Variants in ANKFY1 observed in about 807,000 individuals in gnomAD.
ANKFY1 encodes the protein ankyrin repeat and FYVE domain-containing protein 1.
A neutral mutation model predicts 128.3 loss-of-function variants in ANKFY1; 47 were observed. That is an observed-to-expected ratio of 0.37 (90% CI 0.29 to 0.47). The LOEUF is 0.47. ANKFY1 is among the 20% of genes least tolerant of loss of function. The pLI is 1.00. For missense variants in ANKFY1, 1,222 were observed against 1,510.6 expected, an observed-to-expected ratio of 0.81 and a Z score of 3.17; for synonymous variants, 553 against 601.6, an observed-to-expected ratio of 0.92 and a Z score of 1.18.
chr17:4,170,144 C>G (rs985715179), intron 23 of ANKFY1, among the ~76,000 whole-genome samples: 2 of 152,242 alleles, frequency 1.3e-5, no homozygotes, highest in Non-Finnish European at 2.9e-5. Flanking sequence ...TCCTGTGCAT[C>G]GCCATCCCAT....
At chr17:4,210,461 C>T (rs111403750) in intron 4 of ANKFY1, among the ~76,000 whole-genome samples, 5 of 152,150 alleles carry the variant, frequency 3.3e-5, no homozygotes, top group South Asian at 4.1e-4. Flanking sequence ...GTAATCCCAG[C>T]GCTTTGGGAG....
chr17:4,262,619 C>T lies in ANKFY1; in HGVS notation c.10+1313G>A, dbSNP rs114797643. 5.5e-3 allele frequency among the ~76,000 whole-genome samples: 837 copies of T among 151,808 alleles called. 11 individuals are homozygous for T. The highest frequency in any genetic ancestry group is 0.019 in the African/African-American group (801 of 41,416). On this transcript the variant is annotated intron_variant, in intron 1 of 24. Transcript: ENST00000341657. The stretch of plus-strand genomic sequence containing the variant: ...TTAATTAGCCGGGTGTGGTGGCGAG[C>T]GCCCCTGGTCCCAGCTACTCAGGAG...
chr17:4,222,553 T>C (rs1240623511), intron 3 of ANKFY1: 24 of 1,255,236 alleles, frequency 1.9e-5, no homozygotes, highest in Non-Finnish European at 2.7e-5. Flanking sequence ...AGAGCTTTCC[T>C]GTACTGGCAA....
At chr17:4,232,168 G>A (rs1390419296) in intron 3 of ANKFY1, among the ~76,000 whole-genome samples, 1 of 152,090 alleles carries the variant, frequency 6.6e-6, no homozygotes, top group African/African-American at 2.4e-5. Flanking sequence ...ATTTTATCAA[G>A]CCTGTTGGTG....
At chr17:4,204,170 G>GA (rs1567940871) in intron 7 of ANKFY1, among the ~76,000 whole-genome samples, 1 of 152,124 alleles carries the variant, frequency 6.6e-6, no homozygotes, top group Admixed American at 6.5e-5. Flanking sequence ...CAGTTAAAGT[G>GA]AAAAAAACTC....
chr17:4,166,208 A>C lies in ANKFY1; in HGVS notation c.*1571T>G, dbSNP rs1211058813. 1 of 152,256 alleles carries C rather than the reference A, an allele frequency of 6.6e-6. No individual in the cohort carries two copies. Among genetic ancestry groups the C allele is most frequent in the African/African-American group, 2.4e-5 (1 of 41,464 alleles). The allele number at this position is 152,256 out of a possible 1,614,324, so 9.4% of individuals were successfully genotyped here. A position where few individuals can be genotyped will look rare whatever the true frequency, so the allele number is the denominator to read the frequency against. On this transcript the variant is annotated 3_prime_UTR_variant, in exon 25 of 25. Transcript: ENST00000341657. ...GCTCATTTTACACACATATTTAGGC[A>C]ACAGAATGTATAAATCTACCGCAAT...
intron 10 of ANKFY1, among the ~76,000 whole-genome samples, chr17:4,193,417 CTCTTTTTTTTT>C (rs763663106): frequency 1.2e-5 from 1 of 86,210 alleles, no homozygotes; most frequent in Non-Finnish European, 2.5e-5. Flanking sequence ...CACCAGTCGA[CTCTTTTTTTTT>C]TTTTTTTTTT....
In ANKFY1 at chr17:4,223,479, T is replaced by C; in HGVS notation, c.323-6361A>G. 4.4e-6 allele frequency: 5 copies of C among 1,145,700 alleles called. No individual in the cohort carries two copies. In the South Asian group the frequency reaches 6.1e-5, roughly 14 times the overall value. The allele number at this position is 1,145,700 out of a possible 1,614,324, so 71.0% of individuals were successfully genotyped here. A position where few individuals can be genotyped will look rare whatever the true frequency, so the allele number is the denominator to read the frequency against. ...CAAGTTAAGATCACAGACAATGCCG[T>C]CTCATGGACTATCACTGTCTGGGGG... On this transcript the variant is annotated intron_variant, in intron 3 of 24. Transcript: ENST00000341657.
intron 10 of ANKFY1, 43 bp from the exon 11 acceptor site, chr17:4,189,522 A>T (rs1182422528): frequency 6.6e-7 from 1 of 1,504,162 alleles, no homozygotes; most frequent in African/African-American, 1.4e-5. Flanking sequence ...TTTGCATCAA[A>T]ATGCGGTCAC....
chr17:4,182,068 C>T, intron 15 of ANKFY1, 113 bp downstream of exon 15: 3 of 1,100,098 alleles, frequency 2.7e-6, no homozygotes, highest in East Asian at 2.8e-5. Context: ...GTCCTTGTCC[C>T]ACTATGTTAC....
chr17:4,186,990 C>T (rs773404910), intron 11 of ANKFY1: 389 of 1,212,258 alleles, frequency 3.2e-4, no homozygotes, highest in Admixed American at 2.0e-3. Context: ...ATGGGTTCGC[C>T]GCAACTGTTT....
Position 4,164,953 on chromosome 17 carries a change from C to CATTT in ANKFY1, c.*2825_*2826insAAAT, listed in dbSNP as rs1217897839. On this transcript the variant is annotated 3_prime_UTR_variant, in exon 25 of 25. Transcript: ENST00000341657. ...ACTGAGCAATCGAATCCAGCCTCAA[C>CATTT]TAAATTGGTAATTGGGGTTGACCGT... is the stretch of plus-strand genomic sequence containing the variant. 2 of 152,636 alleles carry CATTT rather than the reference C, an allele frequency of 1.3e-5. No individual in the cohort carries two copies. Among genetic ancestry groups the CATTT allele is most frequent in the Non-Finnish European group, 2.9e-5 (2 of 68,050 alleles). The allele number at this position is 152,636 out of a possible 1,614,324, so 9.5% of individuals were successfully genotyped here. A position where few individuals can be genotyped will look rare whatever the true frequency, so the allele number is the denominator to read the frequency against.
intron 2 of ANKFY1, among the ~76,000 whole-genome samples, chr17:4,241,711 G>A (rs1207087762): frequency 6.6e-6 from 1 of 151,992 alleles, no homozygotes; most frequent in Non-Finnish European, 1.5e-5. Context: ...TCCTAGACAG[G>A]TAAGTCAATT....
Position 4,166,700 on chromosome 17 carries a change from G to A in ANKFY1, c.*1079C>T, listed in dbSNP as rs2059216659. 1 of 152,388 alleles carries A rather than the reference G, an allele frequency of 6.6e-6. No homozygotes were observed. The highest frequency in any genetic ancestry group is 1.9e-4 in the East Asian group (1 of 5,184). 9.4% of individuals were successfully genotyped at this position (152,388 alleles called of 1,614,324 possible). On this transcript the variant is annotated 3_prime_UTR_variant, in exon 25 of 25. Transcript: ENST00000341657. ...ACCAACAGCACTCGCAGCATCACTA[G>A]GGAGGATTTCAGCAAGAAGCATTTG...
At chr17:4,219,778 G>C (rs911722229) in intron 3 of ANKFY1, among the ~76,000 whole-genome samples, 9 of 152,110 alleles carry the variant, frequency 5.9e-5, no homozygotes, top group Non-Finnish European at 1.2e-4. Flanking sequence ...TAGTTACTAT[G>C]TTAAAGTTTT....
chr17:4,248,566 G>A (rs75353989), intron 1 of ANKFY1, among the ~76,000 whole-genome samples: 12,204 of 152,286 alleles, frequency 0.08, 610 homozygotes, highest in Middle Eastern at 0.13. Flanking sequence ...AAGGCTTACC[G>A]CTGCTGCTAC....
intron 3 of ANKFY1, among the ~76,000 whole-genome samples, chr17:4,224,458 A>AT (rs2060387700): frequency 6.6e-6 from 1 of 151,420 alleles, no homozygotes; most frequent in East Asian, 1.9e-4. Context: ...TTTTAATGTT[A>AT]TTTTTTATCA....
Position 4,170,787 on chromosome 17 carries a change from C to G in ANKFY1, c.3214G>C (p.Val1072Leu), listed in dbSNP as rs777204989. 1.2e-6 allele frequency: 2 copies of G among 1,614,158 alleles called. No homozygotes were observed. The highest frequency in any genetic ancestry group is 1.7e-6 in the Non-Finnish European group (2 of 1,180,020). Reference sequence around the variant, plus strand: ...ATGTTGACTCCCTGGTTGTTATTCACCCCGAGGCGAGCCCCCGACCGGACG... The same window carrying G: ...ATGTTGACTCCCTGGTTGTTATTCAGCCCGAGGCGAGCCCCCGACCGGACG... Reference protein sequence around the residue: ...AIVRSGARLGVNNNQGVNIFN... With the variant: ...AIVRSGARLGLNNNQGVNIFN... Residue 1072 changes from valine to leucine, a missense_variant, in exon 23 of 25, where the codon GTG becomes CTG. By Grantham distance (32) the Val-to-Leu change is conservative. Coordinates refer to ENST00000341657, the MANE Select transcript of ANKFY1 (RefSeq NM_001330063.2).
chr17:4,226,848 T>C (rs1028595513), intron 3 of ANKFY1, among the ~76,000 whole-genome samples: 17 of 151,368 alleles, frequency 1.1e-4, no homozygotes, highest in Middle Eastern at 6.9e-3. Context: ...CAAACTTCTA[T>C]AGACTTATCA....
Sources: allele counts gnomAD v4.1 joint callset (sites outside exome capture counted in the v4.1 genomes callset), GRCh38; gene constraint gnomAD v4.1.1; transcripts MANE v1.5; gene names NCBI Gene and HGNC (gene_info 2026-07-23, HGNC 2026-07-21).